Variants in ATP13A2 observed in about 807,000 individuals in gnomAD.
ATP13A2 encodes polyamine-transporting ATPase 13A2.
A neutral mutation model predicts 138.3 loss-of-function variants in ATP13A2; 83 were observed. That is an observed-to-expected ratio of 0.60 (90% CI 0.50 to 0.72). The LOEUF (loss-of-function observed/expected upper bound fraction) is 0.72, where lower values mean the gene tolerates loss of function less well. Ranked by LOEUF, ATP13A2 falls within the 30% of genes least tolerant of loss-of-function variation. The pLI is 0.00. For missense variants in ATP13A2, 1,402 were observed against 1,606.4 expected, an observed-to-expected ratio of 0.87 and a Z score of 2.17; for synonymous variants, 663 against 699.0, an observed-to-expected ratio of 0.95 and a Z score of 0.81.
At position 17,000,472 on chromosome 1, in the gene ATP13A2, G is replaced by A. The variant is rs1474079787; in HGVS notation, c.768C>T (p.Tyr256=). ...GGAAGATGCACAGGGCGTACCAGTAGTAGTGGTCAGCCAGCCACAGCGCGA... is the reference window on the plus strand; with the variant it reads ...GGAAGATGCACAGGGCGTACCAGTAATAGTGGTCAGCCAGCCACAGCGCGA... ...FSIALWLADH[Y]YWYALCIFLI... The change falls in exon 9 of 29, where the codon TAC becomes TAT. Residue 256 remains tyrosine (Y), a synonymous_variant. Transcript: ENST00000326735. 2.5e-6 allele frequency: 4 copies of A among 1,614,010 alleles called. No individual in the cohort carries two copies. Among genetic ancestry groups the A allele is most frequent in the Admixed American group, 3.3e-5 (2 of 60,012 alleles).
intron 25 of ATP13A2, among the ~76,000 whole-genome samples, chr1:16,987,833 GT>G (rs1557669876): frequency 6.6e-6 from 1 of 152,208 alleles, no homozygotes; most frequent in Non-Finnish European, 1.5e-5. Context: ...GGGGGCGAGG[GT>G]TTTGGCCCTG....
At chr1:17,002,657 T>C (rs2077404285) in intron 6 of ATP13A2, among the ~76,000 whole-genome samples, 1 of 152,134 alleles carries the variant, frequency 6.6e-6, no homozygotes, top group Admixed American at 6.6e-5. Context: ...AAGGGCACTA[T>C]TTACACTGAT....
Position 17,011,484 on chromosome 1 carries a change from G to A in ATP13A2, c.10+245C>T, listed in dbSNP as rs1202271921. Among the ~76,000 whole-genome samples the A allele has an allele frequency of 6.6e-6, 1 of 152,172 alleles. No individual in the cohort carries two copies. The highest frequency in any genetic ancestry group is 1.5e-5 in the Non-Finnish European group (1 of 68,016). On this transcript the variant is annotated intron_variant, in intron 1 of 28. Coordinates refer to ENST00000326735, the MANE Select transcript of ATP13A2 (RefSeq NM_022089.4). The surrounding 1 kb of genome is among the most constrained non-coding windows in gnomAD (Gnocchi z 7.3). ...TCCAATCCCGCGGCTGAGGGGTGCA[G>A]GGGAGGGGAGGGACCGGCTGCGAGC...
intron 11 of ATP13A2, among the ~76,000 whole-genome samples, chr1:16,999,756 C>T (rs1393688718): frequency 6.6e-6 from 1 of 152,108 alleles, no homozygotes; most frequent in Non-Finnish European, 1.5e-5. Context: ...AAAAAATTAG[C>T]TGGGCGTGAT....
rs185521359 is a variant in ATP13A2, at chr1:16,986,063, A to G, written c.*158T>C. The stretch of plus-strand genomic sequence containing the variant: ...TGGTCCAAGGTAGGGGACAGTAGTC[A>G]ACGCTTCCCCAGGGTGGGGGTGGTC... On this transcript the variant is annotated 3_prime_UTR_variant, in exon 29 of 29. Transcript: ENST00000326735. This position sits in a 1 kb window ranked among gnomAD's most constrained non-coding sequence, Gnocchi z 6.9. 3.4e-3 allele frequency: 5,140 copies of G among 1,514,874 alleles called. 19 individuals carry two copies. The highest frequency in any genetic ancestry group is 4.2e-3 in the Non-Finnish European group (4,720 of 1,129,190). The allele number at this position is 1,514,874 out of a possible 1,614,324, so 93.8% of individuals were successfully genotyped here.
Position 17,004,374 on chromosome 1 carries a change from C to A in ATP13A2, c.515G>T (p.Arg172Leu). ...VLRYYLFQGQ[R>L]YIWIETQQAF... ...TTGCTGGGTCTCGATCCAGATATAG[C>A]GCTGGCCCTGGAAGAGGTAATACCG... Residue 172 changes from arginine to leucine, a missense_variant, in exon 6 of 29, where the codon CGC (arginine) becomes CTC (leucine). Arg to Leu is a moderately radical substitution (Grantham distance 102). Coordinates refer to ENST00000326735, the MANE Select transcript of ATP13A2 (RefSeq NM_022089.4). The surrounding 1 kb of genome is among the most constrained non-coding windows in gnomAD (Gnocchi z 4.1). 6.2e-7 allele frequency: 1 copy of A among 1,613,986 alleles called. No individual in the cohort carries two copies. The highest frequency in any genetic ancestry group is 8.5e-7 in the Non-Finnish European group (1 of 1,180,002).
chr1:16,996,546 G>T, intron 12 of ATP13A2, 50 bp from the exon 13 acceptor site: 1 of 1,477,526 alleles, frequency 6.8e-7, no homozygotes, highest in Non-Finnish European at 9.5e-7. Flanking sequence ...GTGAGGGCAG[G>T]CCTTCCCCAC....
rs748408338 is a variant in ATP13A2 at position 16,987,031 on chromosome 1, C to G, written c.3083+15G>C. Reference sequence around the variant, plus strand: ...AAGGGGCGGGATGGGGGTGGTCAGTCAGCTCCCTACTCACCATGGCTGGGC... The same window carrying G: ...AAGGGGCGGGATGGGGGTGGTCAGTGAGCTCCCTACTCACCATGGCTGGGC... On this transcript the variant is annotated intron_variant, in intron 26 of 28. Coordinates refer to ENST00000326735, the MANE Select transcript of ATP13A2 (RefSeq NM_022089.4). 9 of 1,613,270 alleles carry G rather than the reference C, an allele frequency of 5.6e-6. 1 individual carries two copies. Among genetic ancestry groups the G allele is most frequent in the African/African-American group, 1.3e-5 (1 of 75,006 alleles).
chr1:16,993,589 C>T (rs1342979445), intron 16 of ATP13A2, 40 bp downstream of exon 16: 1 of 1,543,834 alleles, frequency 6.5e-7, no homozygotes, highest in Non-Finnish European at 8.8e-7. Context: ...TTAGGCCCCA[C>T]TGCCCAGAGG....
Position 16,993,754 on chromosome 1 carries a change from C to A in ATP13A2, c.1624G>T (p.Glu542Ter). The A allele has an allele frequency of 6.3e-7, 1 of 1,591,754 alleles. No individual in the cohort carries two copies. Among genetic ancestry groups the A allele is most frequent in the East Asian group, 2.3e-5 (1 of 43,642 alleles). ...GGCCCCACAGGCAGGCGGCGAGGCTCTGGGACCAGGGGCAGGAATGCCTGC... is the reference window on the plus strand; with the variant it reads ...GGCCCCACAGGCAGGCGGCGAGGCTATGGGACCAGGGGCAGGAATGCCTGC... ...KGQAFLPLVP[E>*]PRRLPVGPLL... is the part of the protein sequence containing the mutation. The change falls in exon 16 of 29, where the codon GAG (glutamate) becomes TAG (stop). Residue 542 changes from glutamate to a stop codon, truncating the protein, a stop_gained. Transcript: ENST00000326735. LOFTEE classifies it high-confidence loss of function.
chr1:17,004,363 T>A lies in ATP13A2; in HGVS notation c.526A>T (p.Ile176Phe). 1 of 1,613,980 alleles carries A rather than the reference T, an allele frequency of 6.2e-7. No homozygotes were observed. The highest frequency in any genetic ancestry group is 8.5e-7 in the Non-Finnish European group (1 of 1,179,984). Residue 176 changes from isoleucine to phenylalanine, a missense_variant, in exon 6 of 29, where the codon ATC becomes TTC. By Grantham distance (21) the Ile-to-Phe change is conservative. Transcript: ENST00000326735. The surrounding 1 kb of genome is among the most constrained non-coding windows in gnomAD (Gnocchi z 4.1). ...YLFQGQRYIW[I>F]ETQQAFYQVS... Reference sequence around the variant, plus strand: ...TGGTAGAAGGCTTGCTGGGTCTCGATCCAGATATAGCGCTGGCCCTGGAAG... The same window carrying A: ...TGGTAGAAGGCTTGCTGGGTCTCGAACCAGATATAGCGCTGGCCCTGGAAG...
chr1:17,000,613 T>C (rs1016002670), intron 8 of ATP13A2, 79 bp from the exon 9 acceptor site: 107 of 1,552,568 alleles, frequency 6.9e-5, no homozygotes, highest in Non-Finnish European at 8.8e-5. Flanking sequence ...CCTGTGCCCA[T>C]GGGAGCAGAG....
In ATP13A2 at chr1:16,988,362, A is replaced by T. The variant is rs766632717; in HGVS notation, c.2722T>A (p.Ser908Thr). The T allele has an allele frequency of 6.2e-7, 1 of 1,614,136 alleles. No individual in the cohort carries two copies. Among genetic ancestry groups the T allele is most frequent in the Non-Finnish European group, 8.5e-7 (1 of 1,180,036 alleles). ...ACGCACTCAATACTGGCCATGCTCG[A>T]GGTGAAGGGTGAGACCACTGAGGCT... ...AEASVVSPFT[S>T]SMASIECVPM... Residue 908 changes from serine to threonine, a missense_variant, in exon 24 of 29, where the codon TCG becomes ACG. Physicochemically the swap from Ser to Thr is moderately conservative, Grantham distance 58. Coordinates refer to ENST00000326735, the MANE Select transcript of ATP13A2 (RefSeq NM_022089.4).
rs762075619 is a variant in ATP13A2 at position 17,004,381 on chromosome 1, C to T, written c.508G>A (p.Gly170Ser). 1 of 1,613,986 alleles carries T rather than the reference C, an allele frequency of 6.2e-7. No individual in the cohort carries two copies. The highest frequency in any genetic ancestry group is 8.5e-7 in the Non-Finnish European group (1 of 1,179,994). ...KRVLRYYLFQ[G>S]QRYIWIETQQ... Reference sequence around the variant, plus strand: ...GTCTCGATCCAGATATAGCGCTGGCCCTGGAAGAGGTAATACCGCAGCACC... The same window carrying T: ...GTCTCGATCCAGATATAGCGCTGGCTCTGGAAGAGGTAATACCGCAGCACC... The change falls in exon 6 of 29, where the codon GGC (glycine) becomes AGC (serine). Residue 170 changes from glycine to serine, a missense_variant. Coordinates refer to ENST00000326735, the MANE Select transcript of ATP13A2 (RefSeq NM_022089.4). The surrounding 1 kb of genome is among the most constrained non-coding windows in gnomAD (Gnocchi z 4.1).
rs200924194 is a variant in ATP13A2, at chr1:16,990,276, G to C, written c.2263C>G (p.Gln755Glu). ...RAVMVTGDNLQTAVTVARGCG... is the reference protein window; with the variant it reads ...RAVMVTGDNLETAVTVARGCG... ...CCCCGGGCCACAGTCACCGCTGTCT[G>C]CAGGTTGTCCCCTGGGGGTTATGGG... The change falls in exon 21 of 29, where the codon CAG becomes GAG. Residue 755 changes from glutamine (Q) to glutamate (E), a missense_variant. Coordinates refer to ENST00000326735, the MANE Select transcript of ATP13A2 (RefSeq NM_022089.4). The C allele has an allele frequency of 6.0e-4, 972 of 1,614,028 alleles. No homozygotes were observed. The highest frequency in any genetic ancestry group is 8.0e-4 in the Non-Finnish European group (946 of 1,180,026).
chr1:17,000,999 C>T (rs559966946), intron 8 of ATP13A2, among the ~76,000 whole-genome samples: 20 of 152,164 alleles, frequency 1.3e-4, no homozygotes, highest in Admixed American at 9.2e-4. Flanking sequence ...CCCCACTACA[C>T]GCCAAGTGCT....
Position 16,995,737 on chromosome 1 carries a change from C to T in ATP13A2, c.1542+239G>A, listed in dbSNP as rs552838591. 7.6e-5 allele frequency: 47 copies of T among 618,888 alleles called. No individual in the cohort carries two copies. Among genetic ancestry groups the T allele is most frequent in the East Asian group, 4.8e-4 (16 of 33,464 alleles). The allele number at this position is 618,888 out of a possible 1,614,324, so 38.3% of individuals were successfully genotyped here. A position where few individuals can be genotyped will look rare whatever the true frequency, so the allele number is the denominator to read the frequency against. ...CTGGGATTACAGACGTGAGCCACCGCGCCCGGCCCCCCACCAGTTCTTGAA... is the reference window on the plus strand; with the variant it reads ...CTGGGATTACAGACGTGAGCCACCGTGCCCGGCCCCCCACCAGTTCTTGAA... On this transcript the variant is annotated intron_variant, in intron 15 of 28. Transcript: ENST00000326735. The surrounding 1 kb of genome is among the most constrained non-coding windows in gnomAD (Gnocchi z 4.1).
chr1:16,986,673 C>T lies in ATP13A2; in HGVS notation c.3236-41G>A, dbSNP rs564769077. 8.9e-6 allele frequency: 14 copies of T among 1,578,730 alleles called. No individual in the cohort carries two copies. The African/African-American group carries it at 1.8e-4, about 20-fold the overall frequency. On this transcript the variant is annotated intron_variant, in intron 27 of 28. Transcript: ENST00000326735. The surrounding 1 kb of genome is among the most constrained non-coding windows in gnomAD (Gnocchi z 6.9). ...TCTCTCAGGCAGGAGCCACGCCCCC[C>T]CGGCACCCACAGACACACGTGTGCA...
In ATP13A2 at chr1:16,987,047, A is replaced by G. The variant is rs139462252; in HGVS notation, c.3082T>C (p.Trp1028Arg). ...GTGGTCAGTCAGCTCCCTACTCACC[A>G]TGGCTGGGCCAGGGTCAGGAAGTAG... The part of the protein sequence containing the change: ...GGYFLTLAQP[W>R]FVPLNRTVAA... The change falls in exon 26 of 29, where the codon TGG becomes CGG. Residue 1028 changes from tryptophan to arginine, a missense_variant and splice_region_variant. Transcript: ENST00000326735. The G allele has an allele frequency of 6.2e-7, 1 of 1,613,280 alleles. No homozygotes were observed. The highest frequency in any genetic ancestry group is 1.3e-5 in the African/African-American group (1 of 74,882).
Sources: allele counts gnomAD v4.1 joint callset (sites outside exome capture counted in the v4.1 genomes callset), GRCh38; gene constraint gnomAD v4.1.1; non-coding constraint Gnocchi (gnomAD v3.1); transcripts MANE v1.5; gene names NCBI Gene and HGNC (gene_info 2026-07-23, HGNC 2026-07-21).